ADAM22: variants seen among roughly 807,000 people sequenced by gnomAD.
ADAM22 encodes ADAM metallopeptidase domain 22, also known as disintegrin and metalloproteinase domain-containing protein 22.
A neutral mutation model predicts 144.6 loss-of-function variants in ADAM22; 65 were observed. The ratio of observed to expected loss-of-function variants is 0.45; its 90% CI spans 0.37 to 0.55. ADAM22 has a LOEUF of 0.55. Among genes scored for constraint, ADAM22 ranks in the 20% least tolerant of loss-of-function variants. ADAM22 has a pLI of 0.00. For missense variants in ADAM22, 974 were observed against 1,184.9 expected (o/e 0.82, Z 2.61); for synonymous variants, 391 against 412.6 (o/e 0.95, Z 0.63).
intron 12 of ADAM22, among the ~76,000 whole-genome samples, chr7:88,133,551 A>C (rs1381973900): frequency 6.6e-6 from 1 of 152,092 alleles, no homozygotes; most frequent in African/African-American, 2.4e-5. Flanking sequence ...TTAAATTGAG[A>C]GAATCTTTAC....
intron 4 of ADAM22, among the ~76,000 whole-genome samples, chr7:88,090,962 C>T (rs1320821595): frequency 6.6e-6 from 1 of 152,048 alleles, no homozygotes; most frequent in East Asian, 1.9e-4. Context: ...GTTACTCGTT[C>T]AAGAACTGTG....
chr7:88,145,085 T>G, intron 15 of ADAM22, 40 bp from the exon 16 acceptor site: 1 of 1,589,632 alleles, frequency 6.3e-7, no homozygotes, highest in Non-Finnish European at 8.6e-7. Context: ...TTGATGTTGA[T>G]TTTTCTATAT....
At chr7:88,182,143 T>C (rs1586573769) in intron 29 of ADAM22, 119 bp downstream of exon 29, 5 of 874,316 alleles carry the variant, frequency 5.7e-6, no homozygotes, top group Non-Finnish European at 8.6e-6. Flanking sequence ...GGTTTTGTCT[T>C]TTAAATTCTT....
chr7:88,100,816 C>G (rs958120842), intron 4 of ADAM22, among the ~76,000 whole-genome samples: 1 of 151,934 alleles, frequency 6.6e-6, no homozygotes, highest in East Asian at 1.9e-4. Context: ...TGCCCAGCCT[C>G]CCAAGGAGAC....
chr7:87,985,768 C>A (rs1788329414), intron 3 of ADAM22, among the ~76,000 whole-genome samples: 1 of 152,112 alleles, frequency 6.6e-6, no homozygotes, highest in Non-Finnish European at 1.5e-5. Context: ...TTACTATGAA[C>A]AATCTGTCTG....
At chr7:88,062,845 A>G (rs1199889441) in intron 3 of ADAM22, among the ~76,000 whole-genome samples, 1 of 152,152 alleles carries the variant, frequency 6.6e-6, no homozygotes, top group African/African-American at 2.4e-5. Context: ...GGGAATAGGG[A>G]TGCCTGTGGA....
chr7:87,987,084 G>T (rs1308143233), intron 3 of ADAM22, among the ~76,000 whole-genome samples: 2 of 152,170 alleles, frequency 1.3e-5, no homozygotes, highest in Non-Finnish European at 2.9e-5. Flanking sequence ...TAAATCCCTA[G>T]AAGTTCTTTT....
intron 26 of ADAM22, 110 bp downstream of exon 26, chr7:88,171,671 A>G (rs1252673326): frequency 1.1e-6 from 1 of 937,434 alleles, no homozygotes; most frequent in Admixed American, 2.9e-5. Flanking sequence ...TTTATGTATA[A>G]TAATCATACA....
chr7:88,021,481 CTTTGTATACTCCAT>C (rs2129466179), intron 3 of ADAM22, among the ~76,000 whole-genome samples: 1 of 152,272 alleles, frequency 6.6e-6, no homozygotes, highest in East Asian at 1.9e-4. Flanking sequence ...ATTCTGGACA[CTTTGTATACTCCAT>C]TTTGTCCTTA....
chr7:88,015,376 A>G (rs1398707119), intron 3 of ADAM22, among the ~76,000 whole-genome samples: 1 of 152,216 alleles, frequency 6.6e-6, no homozygotes, highest in African/African-American at 2.4e-5. Flanking sequence ...AGCAAAATAA[A>G]GCAACTGTGG....
Position 88,201,014 on chromosome 7 carries a change from A to G in ADAM22, c.*4523A>G, listed in dbSNP as rs1318736544. 6.6e-6 allele frequency: 1 copy of G among 152,236 alleles called. No homozygotes were observed. Among genetic ancestry groups the G allele is most frequent in the African/African-American group, 2.4e-5 (1 of 41,462 alleles). 9.4% of individuals were successfully genotyped at this position (152,236 alleles called of 1,614,324 possible). A position where few individuals can be genotyped will look rare whatever the true frequency, so the allele number is the denominator to read the frequency against. On this transcript the variant is annotated 3_prime_UTR_variant, in exon 32 of 32. Coordinates refer to ENST00000413139, the MANE Select transcript of ADAM22 (RefSeq NM_001324418.2). Reference sequence around the variant, plus strand: ...GGAATTGTTGGCACATGCTCATAGCATATGCTCTGTGGGGGAGGTGCTTTT... The same window carrying G: ...GGAATTGTTGGCACATGCTCATAGCGTATGCTCTGTGGGGGAGGTGCTTTT...
intron 14 of ADAM22, among the ~76,000 whole-genome samples, chr7:88,136,251 A>G (rs1208754949): frequency 6.6e-6 from 1 of 152,224 alleles, no homozygotes; most frequent in African/African-American, 2.4e-5. Flanking sequence ...TATAAACGTA[A>G]GAAATGAGGG....
intron 3 of ADAM22, among the ~76,000 whole-genome samples, chr7:88,020,203 GT>G (rs1312267455): frequency 1.3e-5 from 2 of 152,160 alleles, no homozygotes; most frequent in African/African-American, 4.8e-5. Context: ...ACAAATATGT[GT>G]TCTCTAACTG....
intron 14 of ADAM22, among the ~76,000 whole-genome samples, chr7:88,142,112 G>C (rs997245337): frequency 6.6e-6 from 1 of 152,052 alleles, no homozygotes; most frequent in Non-Finnish European, 1.5e-5. Flanking sequence ...TTGTCCGGTG[G>C]ATCATAAATT....
At chr7:87,973,583 A>G (rs1307936406) in intron 2 of ADAM22, among the ~76,000 whole-genome samples, 1 of 152,140 alleles carries the variant, frequency 6.6e-6, no homozygotes, top group African/African-American at 2.4e-5. Flanking sequence ...CCATCCCATT[A>G]CTGGGTATAT....
intron 22 of ADAM22, among the ~76,000 whole-genome samples, chr7:88,161,091 C>A (rs952710630): frequency 4.0e-5 from 6 of 151,646 alleles, no homozygotes; most frequent in African/African-American, 1.5e-4. Context: ...TGCACATGTA[C>A]CCTAGAACTT....
intron 22 of ADAM22, among the ~76,000 whole-genome samples, chr7:88,156,990 A>C (rs942069915): frequency 2.0e-5 from 3 of 152,118 alleles, no homozygotes; most frequent in African/African-American, 7.2e-5. Context: ...GAGAGATAAG[A>C]GACTTCTATA....
chr7:88,136,565 C>T (rs562082717), intron 14 of ADAM22, among the ~76,000 whole-genome samples: 18 of 152,148 alleles, frequency 1.2e-4, no homozygotes, highest in African/African-American at 1.9e-4. Context: ...CCCTTTCACA[C>T]GCTCAGTCAT....
At chr7:88,108,082 G>A (rs1231152283) in intron 4 of ADAM22, 94 bp from the exon 5 acceptor site, 1 of 838,978 alleles carries the variant, frequency 1.2e-6, no homozygotes, top group East Asian at 2.5e-5. Flanking sequence ...AGTTCTAGAT[G>A]TGGAGGTGCA....
Sources: gnomAD v4.1 joint callset for allele counts (sites outside exome capture counted in the v4.1 genomes callset) on GRCh38, gnomAD v4.1.1 for gene constraint, MANE v1.5 for transcripts, NCBI Gene and HGNC (gene_info 2026-07-23, HGNC 2026-07-21) for gene names.